SPATS2L: variants seen among roughly 807,000 people sequenced by gnomAD.
The protein encoded by SPATS2L is spermatogenesis associated serine rich 2 like.
In SPATS2L, 30 loss-of-function variants were observed where a neutral mutation model predicts 59.6. The ratio of observed to expected loss-of-function variants is 0.50; its 90% confidence interval spans 0.38 to 0.68. SPATS2L has a LOEUF of 0.68. SPATS2L is among the 30% of genes least tolerant of loss of function. The pLI is 0.00. For missense variants in SPATS2L, 615 were observed against 700.0 expected (o/e 0.88, Z 1.37); for synonymous variants, 252 against 263.5 (o/e 0.96, Z 0.42).
At chr2:200,347,717 C>T (rs1226117622) in intron 2 of SPATS2L, among the ~76,000 whole-genome samples, 1 of 152,182 alleles carries the variant, frequency 6.6e-6, no homozygotes, top group Non-Finnish European at 1.5e-5. Context: ...GATCATACTA[C>T]AAATGTCCAC....
At chr2:200,457,245 C>G (rs191169071) in intron 8 of SPATS2L, among the ~76,000 whole-genome samples, 1 of 151,974 alleles carries the variant, frequency 6.6e-6, no homozygotes, top group South Asian at 2.1e-4. Context: ...CACACACACA[C>G]ACACACACAC....
At chr2:200,400,615 A>C (rs1445447109) in intron 3 of SPATS2L, among the ~76,000 whole-genome samples, 1 of 152,172 alleles carries the variant, frequency 6.6e-6, no homozygotes, top group Non-Finnish European at 1.5e-5. Flanking sequence ...TTTTAATTTT[A>C]CTTTTTTGTG....
chr2:200,426,074 G>GA (rs2083556936), intron 6 of SPATS2L, among the ~76,000 whole-genome samples: 1 of 142,480 alleles, frequency 7.0e-6, no homozygotes, highest in Admixed American at 7.4e-5. Flanking sequence ...TATAACCATA[G>GA]GTTTTTACTT....
chr2:200,419,438 T>C lies in SPATS2L; in HGVS notation c.387T>C (p.Pro129=). ...DSANEKPALI[P]REKKISILEE... is the part of the protein sequence containing the mutation. The stretch of plus-strand genomic sequence containing the variant: ...CTAACGAAAAACCAGCCCTTATCCC[T>C]CGTGAGAAAAAGATCTCGATACTTG... Residue 129 remains proline (P), a synonymous_variant, in exon 6 of 13, where the codon CCT becomes CCC. Transcript: ENST00000409140. The C allele has an allele frequency of 6.2e-7, 1 of 1,613,816 alleles. No individual in the cohort carries two copies. The highest frequency in any genetic ancestry group is 8.5e-7 in the Non-Finnish European group (1 of 1,179,840).
chr2:200,325,192 A>G (rs2079694164), intron 1 of SPATS2L, among the ~76,000 whole-genome samples: 2 of 152,170 alleles, frequency 1.3e-5, no homozygotes, highest in Non-Finnish European at 2.9e-5. Context: ...GCTTTCTTTA[A>G]TCATAAGGAA....
chr2:200,368,138 C>T (rs1384209244), intron 2 of SPATS2L, among the ~76,000 whole-genome samples: 1 of 152,106 alleles, frequency 6.6e-6, no homozygotes, highest in Non-Finnish European at 1.5e-5. Flanking sequence ...GAGCAGGAAT[C>T]CCGAACTTCT....
chr2:200,414,214 G>T (rs2082981791), intron 4 of SPATS2L, among the ~76,000 whole-genome samples: 1 of 152,128 alleles, frequency 6.6e-6, no homozygotes, highest in Non-Finnish European at 1.5e-5. Context: ...CTTAAACAGA[G>T]CACCTTGCTT....
chr2:200,377,875 G>GGTGT (rs1559080007), intron 2 of SPATS2L: 1 of 152,072 alleles, frequency 6.6e-6, no homozygotes, highest in Non-Finnish European at 1.5e-5. Flanking sequence ...TCCTGGTGTC[G>GGTGT]CCTGGAAGAT....
chr2:200,445,262 G>A (rs555581409), intron 8 of SPATS2L, among the ~76,000 whole-genome samples: 224 of 152,310 alleles, frequency 1.5e-3, no homozygotes, highest in Middle Eastern at 3.4e-3. Context: ...GTGGTGAGCC[G>A]AGGTCGTGCC....
chr2:200,329,661 G>A (rs1039769821), intron 2 of SPATS2L, among the ~76,000 whole-genome samples, 181 bp downstream of exon 2: 2 of 152,072 alleles, frequency 1.3e-5, no homozygotes, highest in Non-Finnish European at 2.9e-5. Context: ...TCCTGATAGG[G>A]CAGTGGGGTC....
intron 4 of SPATS2L, among the ~76,000 whole-genome samples, chr2:200,413,392 G>A (rs1263785843): frequency 1.3e-5 from 2 of 152,134 alleles, no homozygotes; most frequent in Non-Finnish European, 2.9e-5. Context: ...TCAGGAATAC[G>A]TTTATCCTAT....
intron 2 of SPATS2L, among the ~76,000 whole-genome samples, chr2:200,371,024 G>T (rs1190401067): frequency 6.6e-6 from 1 of 152,120 alleles, no homozygotes; most frequent in African/African-American, 2.4e-5. Context: ...TTGGGGAAAT[G>T]GGACTCAGGT....
At chr2:200,335,297 G>C (rs1353705778) in intron 2 of SPATS2L, among the ~76,000 whole-genome samples, 1 of 151,902 alleles carries the variant, frequency 6.6e-6, no homozygotes, top group African/African-American at 2.4e-5. Flanking sequence ...AGAATGGTGT[G>C]AACCCGGGAG....
At position 200,467,298 on chromosome 2, in the gene SPATS2L, C is replaced by G. The variant is rs1279483594; in HGVS notation, c.856C>G (p.Leu286Val). The G allele has an allele frequency of 1.2e-6, 2 of 1,613,144 alleles. No individual in the cohort carries two copies. Among genetic ancestry groups the G allele is most frequent in the Non-Finnish European group, 1.7e-6 (2 of 1,179,178 alleles). The change falls in exon 10 of 13, where the codon CTG becomes GTG. Residue 286 changes from leucine (L) to valine (V), a missense_variant. Physicochemically the swap from Leu to Val is conservative, Grantham distance 32 (BLOSUM62 1). This residue lies in a region of SPATS2L where 104 missense variants were observed against 162.5 expected (regional missense o/e 0.64). Coordinates refer to ENST00000409140, the MANE Select transcript of SPATS2L (RefSeq NM_001100423.2). ...DKVKEEAMEI[L>V]TARQKKAEEL... ...TCCTCCTTATTTGGCAGTGGAAATC[C>G]TGACTGCTCGTCAGAAGAAAGCAGA...
chr2:200,437,933 T>TC (rs1359858413), intron 6 of SPATS2L, among the ~76,000 whole-genome samples: 1 of 152,182 alleles, frequency 6.6e-6, no homozygotes, highest in African/African-American at 2.4e-5. Flanking sequence ...TTTAATTAGA[T>TC]CATAATTCTA....
chr2:200,346,898 A>G (rs2080530169), intron 2 of SPATS2L, among the ~76,000 whole-genome samples: 1 of 152,336 alleles, frequency 6.6e-6, no homozygotes, highest in African/African-American at 2.4e-5. Context: ...TTCAGTATCT[A>G]AGTTGAATAT....
At chr2:200,313,376 G>A (rs1041908172) in intron 1 of SPATS2L, among the ~76,000 whole-genome samples, 4 of 152,084 alleles carry the variant, frequency 2.6e-5, no homozygotes, top group Non-Finnish European at 5.9e-5. Context: ...GAGAGAGAAA[G>A]CCTTCACGGA....
intron 3 of SPATS2L, among the ~76,000 whole-genome samples, chr2:200,403,855 C>T (rs996331994): frequency 6.6e-6 from 1 of 152,222 alleles, no homozygotes; most frequent in African/African-American, 2.4e-5. Flanking sequence ...TTTCCTATCT[C>T]ATTTCCATAA....
At chr2:200,396,401 A>G (rs1459912321) in intron 3 of SPATS2L, among the ~76,000 whole-genome samples, 2 of 152,160 alleles carry the variant, frequency 1.3e-5, no homozygotes, top group Admixed American at 6.5e-5. Flanking sequence ...GACATATTCA[A>G]TGTCTCTGCA....
Sources: allele counts gnomAD v4.1 joint callset (sites outside exome capture counted in the v4.1 genomes callset), GRCh38; gene constraint gnomAD v4.1.1; regional missense constraint gnomAD v4.1.1; transcripts MANE v1.5; gene names NCBI Gene and HGNC (gene_info 2026-07-23, HGNC 2026-07-21).